Variants in WDR64 observed in about 807,000 individuals in gnomAD.
WDR64 encodes WD repeat domain 64.
Under a neutral mutation model 139.3 loss-of-function variants are expected in WDR64, and 112 were observed. The ratio of observed to expected loss-of-function variants is 0.80; its 90% CI spans 0.69 to 0.94. WDR64 has a LOEUF of 0.94. Ranked by LOEUF, WDR64 falls within the 40% of genes least tolerant of loss-of-function variation. The pLI is 0.00. For missense variants in WDR64, 1,206 were observed against 1,293.1 expected (o/e 0.93, Z 1.03); for synonymous variants, 444 against 437.7 (o/e 1.01, Z -0.18).
chr1:241,687,717 A>C, intron 8 of WDR64, 122 bp downstream of exon 8: 1 of 1,021,334 alleles, frequency 9.8e-7, no homozygotes, highest in Admixed American at 2.9e-5. Flanking sequence ...TAACTATTCC[A>C]TTTGTTTGGG....
chr1:241,762,457 T>C (rs570707862), intron 15 of WDR64, among the ~76,000 whole-genome samples: 23 of 152,328 alleles, frequency 1.5e-4, no homozygotes, highest in African/African-American at 5.3e-4. Context: ...TTGGGGCATA[T>C]GTTTGAGGCT....
intron 9 of WDR64, among the ~76,000 whole-genome samples, chr1:241,717,481 A>G (rs1386465045): frequency 1.3e-5 from 2 of 152,098 alleles, no homozygotes; most frequent in Non-Finnish European, 2.9e-5. Context: ...TGTGTGAACT[A>G]AGCCCGCTCA....
intron 7 of WDR64, among the ~76,000 whole-genome samples, chr1:241,686,510 T>G (rs971134873): frequency 3.9e-5 from 6 of 152,218 alleles, no homozygotes; most frequent in Middle Eastern, 3.2e-3. Flanking sequence ...ATTTTTACCT[T>G]AATCATCCTT....
chr1:241,707,782 C>T (rs1487149651), intron 8 of WDR64, among the ~76,000 whole-genome samples: 1 of 152,074 alleles, frequency 6.6e-6, no homozygotes, highest in Non-Finnish European at 1.5e-5. Flanking sequence ...AGGACAATAT[C>T]TAAGATTTTA....
At chr1:241,705,413 G>A (rs1011308644) in intron 8 of WDR64, among the ~76,000 whole-genome samples, 124 of 151,728 alleles carry the variant, frequency 8.2e-4, no homozygotes, top group African/African-American at 2.7e-3. Context: ...ATGGTGGCGG[G>A]CGCCTGTAGT....
At chr1:241,789,274 TG>T (rs1054044825) in intron 24 of WDR64, among the ~76,000 whole-genome samples, 24 of 152,302 alleles carry the variant, frequency 1.6e-4, no homozygotes, top group African/African-American at 5.8e-4. Flanking sequence ...TGTAGCAAAA[TG>T]GGCCTTCTTC....
At chr1:241,719,590 A>T (rs1668528777) in intron 9 of WDR64, among the ~76,000 whole-genome samples, 1 of 152,176 alleles carries the variant, frequency 6.6e-6, no homozygotes, top group African/African-American at 2.4e-5. Context: ...TTATGGAAGC[A>T]TCTATCAAAT....
chr1:241,796,801 A>C (rs967138434), intron 27 of WDR64, among the ~76,000 whole-genome samples: 3 of 152,202 alleles, frequency 2.0e-5, no homozygotes, highest in Non-Finnish European at 4.4e-5. Context: ...GCCTCAGTTC[A>C]TATTTTTTAT....
At chr1:241,743,030 G>A (rs1318837312) in intron 12 of WDR64, among the ~76,000 whole-genome samples, 1 of 152,186 alleles carries the variant, frequency 6.6e-6, no homozygotes, top group Non-Finnish European at 1.5e-5. Context: ...TCTGACTTCT[G>A]TGATCGTTTG....
chr1:241,743,266 G>T (rs901709221), intron 12 of WDR64, among the ~76,000 whole-genome samples: 9 of 152,166 alleles, frequency 5.9e-5, no homozygotes, highest in Non-Finnish European at 1.5e-5. Flanking sequence ...TGGTTGGAGA[G>T]GGATCACACT....
At chr1:241,655,563 C>T (rs1039285627) in intron 1 of WDR64, among the ~76,000 whole-genome samples, 1 of 152,150 alleles carries the variant, frequency 6.6e-6, no homozygotes, top group Admixed American at 6.5e-5. Flanking sequence ...TGCCTCAGCC[C>T]AGCTTTTCAG....
At position 241,700,168 on chromosome 1, in the gene WDR64, C is replaced by CTTTT. The variant is rs543704910; in HGVS notation, c.975-11627_975-11624dup. Among the ~76,000 whole-genome samples the CTTTT allele has an allele frequency of 3.8e-3, 529 of 139,590 alleles. 6 individuals are homozygous for CTTTT. The highest frequency in any genetic ancestry group is 0.013 in the African/African-American group (517 of 38,388). 91.6% of individuals were successfully genotyped at this position (139,590 alleles called of 152,430 possible). On this transcript the variant is annotated intron_variant, in intron 8 of 27. Transcript: ENST00000437684. ...ATAAAGGAGAGGGAGGAATCTGTTT[C>CTTTT]TTTTTTTTTTATCCTTAACATATTT...
chr1:241,671,709 C>T (rs866397695), intron 3 of WDR64, among the ~76,000 whole-genome samples: 5 of 152,196 alleles, frequency 3.3e-5, no homozygotes, highest in Middle Eastern at 3.4e-3. Flanking sequence ...AGCCTGGGAC[C>T]CAGGACCTCC....
chr1:241,728,815 C>CTCT (rs936124047), intron 10 of WDR64, among the ~76,000 whole-genome samples: 1 of 122,738 alleles, frequency 8.1e-6, no homozygotes, highest in African/African-American at 3.5e-5. Flanking sequence ...AAGGCTGATT[C>CTCT]TCTTCTTCTT....
intron 15 of WDR64, among the ~76,000 whole-genome samples, chr1:241,765,613 C>T (rs1553378594): frequency 6.6e-6 from 1 of 152,148 alleles, no homozygotes; most frequent in Non-Finnish European, 1.5e-5. Flanking sequence ...TTAAATGTCA[C>T]TCTTCTATGA....
chr1:241,735,533 C>CTCCCTTTTTTTTTTTTTTTTTTTT (rs1553373537), intron 10 of WDR64, among the ~76,000 whole-genome samples: 1 of 103,514 alleles, frequency 9.7e-6, no homozygotes, highest in African/African-American at 3.8e-5. Context: ...CTCTCTCTCT[C>CTCCCTTTTTTTTTTTTTTTTTTTT]TTTTTTTTTT....
At chr1:241,766,035 G>A (rs191621384) in intron 15 of WDR64, among the ~76,000 whole-genome samples, 183 bp from the exon 16 acceptor site, 94 of 152,194 alleles carry the variant, frequency 6.2e-4, no homozygotes, top group African/African-American at 2.1e-3. Context: ...AATGAATTCT[G>A]CCAGTTAAAA....
intron 10 of WDR64, among the ~76,000 whole-genome samples, chr1:241,735,533 C>CT (rs58339742): frequency 0.2 from 21,257 of 103,792 alleles, 2,810 homozygotes; most frequent in Non-Finnish European, 0.24. Flanking sequence ...CTCTCTCTCT[C>CT]TTTTTTTTTT....
chr1:241,762,874 T>C (rs574276322), intron 15 of WDR64, among the ~76,000 whole-genome samples: 1 of 152,306 alleles, frequency 6.6e-6, no homozygotes, highest in African/African-American at 2.4e-5. Context: ...TTTCCTCATA[T>C]TGAAACAAAT....
Sources: allele counts gnomAD v4.1 joint callset (sites outside exome capture counted in the v4.1 genomes callset), GRCh38; gene constraint gnomAD v4.1.1; transcripts MANE v1.5; gene names NCBI Gene and HGNC (gene_info 2026-07-23, HGNC 2026-07-21).